Variants in GALNTL6 observed in about 807,000 individuals in gnomAD.
The protein encoded by GALNTL6 is polypeptide N-acetylgalactosaminyltransferase like 6.
In GALNTL6, 46 loss-of-function variants were observed where a neutral mutation model predicts 73.7. That is an observed-to-expected ratio of 0.62 (90% CI 0.49 to 0.80). GALNTL6 has a LOEUF of 0.80. Ranked by LOEUF, GALNTL6 falls within the 30% of genes least tolerant of loss-of-function variation. The pLI is 0.00. For synonymous variants in GALNTL6, 259 were observed against 263.7 expected (o/e 0.98, Z 0.17); for missense variants, 604 against 755.0 (o/e 0.80, Z 2.34).
chr4:171,841,001 G>A (rs185932792), intron 2 of GALNTL6, among the ~76,000 whole-genome samples: 4 of 152,220 alleles, frequency 2.6e-5, no homozygotes, highest in African/African-American at 9.6e-5. Flanking sequence ...ATGTTTCAGT[G>A]GAAAATGCTT....
chr4:172,207,583 G>T (rs1241796036), intron 2 of GALNTL6, among the ~76,000 whole-genome samples: 1 of 152,032 alleles, frequency 6.6e-6, no homozygotes, highest in Non-Finnish European at 1.5e-5. Flanking sequence ...GCCAATACAC[G>T]AGCCAATACA....
chr4:172,629,505 A>G (rs1739303447), intron 5 of GALNTL6, among the ~76,000 whole-genome samples: 1 of 152,158 alleles, frequency 6.6e-6, no homozygotes, highest in Non-Finnish European at 1.5e-5. Flanking sequence ...TTTACCCTCT[A>G]TGTGACAAGC....
At chr4:172,961,395 A>G (rs1246718583) in intron 10 of GALNTL6, among the ~76,000 whole-genome samples, 1 of 151,914 alleles carries the variant, frequency 6.6e-6, no homozygotes, top group Non-Finnish European at 1.5e-5. Flanking sequence ...GTGTAGAGAC[A>G]TGGAGATAAG....
At position 172,021,640 on chromosome 4, in the gene GALNTL6, C is replaced by G. The variant is rs544928183; in HGVS notation, c.138+206922C>G. On this transcript the variant is annotated intron_variant, in intron 2 of 12. Coordinates refer to ENST00000506823, the MANE Select transcript of GALNTL6 (RefSeq NM_001034845.3). ...AAAGACTCAGAATAGCCAAAGCTAT[C>G]CTAAGCAAAATGTACAAACCTGGAG... 1.1e-4 allele frequency among the ~76,000 whole-genome samples: 17 copies of G among 152,090 alleles called. No homozygotes were observed. In the South Asian group the frequency reaches 3.5e-3, roughly 32 times the overall value.
chr4:172,663,258 AC>A (rs1731475892), intron 5 of GALNTL6, among the ~76,000 whole-genome samples: 1 of 152,204 alleles, frequency 6.6e-6, no homozygotes, highest in Non-Finnish European at 1.5e-5. Flanking sequence ...TAAGCTTGTA[AC>A]AAGAAGAGAG....
intron 3 of GALNTL6, among the ~76,000 whole-genome samples, chr4:172,290,127 C>G (rs1458230650): frequency 1.3e-5 from 2 of 152,086 alleles, no homozygotes; most frequent in Non-Finnish European, 1.5e-5. Flanking sequence ...GGGACTTTCT[C>G]TTTCATCTCT....
intron 2 of GALNTL6, among the ~76,000 whole-genome samples, chr4:172,106,299 A>G (rs1475286657): frequency 6.6e-6 from 1 of 152,166 alleles, no homozygotes; most frequent in Non-Finnish European, 1.5e-5. Flanking sequence ...TCAGGTTTCC[A>G]GGGGAGAAGC....
chr4:172,262,621 T>G (rs1738296072), intron 3 of GALNTL6, among the ~76,000 whole-genome samples: 1 of 151,618 alleles, frequency 6.6e-6, no homozygotes, highest in South Asian at 2.1e-4. Context: ...CCATTTACCT[T>G]CAGTGTTAGT....
At chr4:171,902,009 ATTGTATTGCTATATAACATT>A (rs1352852580) in intron 2 of GALNTL6, among the ~76,000 whole-genome samples, 1 of 152,184 alleles carries the variant, frequency 6.6e-6, no homozygotes, top group Admixed American at 6.5e-5. Flanking sequence ...AGTCTTTAAG[ATTGTATTGCTATATAACATT>A]TAGAGAGATA....
chr4:171,997,457 T>C (rs917613183), intron 2 of GALNTL6, among the ~76,000 whole-genome samples: 1 of 152,044 alleles, frequency 6.6e-6, no homozygotes, highest in Admixed American at 6.6e-5. Flanking sequence ...CCCAACCTGT[T>C]GAGCATCATA....
At chr4:172,667,043 G>C (rs1731704086) in intron 5 of GALNTL6, 1 of 152,222 alleles carries the variant, frequency 6.6e-6, no homozygotes, top group African/African-American at 2.4e-5. Flanking sequence ...CTACGAGAAT[G>C]ATAAGTCCAC....
At chr4:172,758,107 T>C (rs1410526796) in intron 5 of GALNTL6, among the ~76,000 whole-genome samples, 7 of 152,236 alleles carry the variant, frequency 4.6e-5, no homozygotes, top group Admixed American at 2.6e-4. Flanking sequence ...TAGTCCATCT[T>C]TATGTGCACA....
intron 7 of GALNTL6, among the ~76,000 whole-genome samples, chr4:172,820,679 T>C (rs1311984043): frequency 6.6e-6 from 1 of 152,228 alleles, no homozygotes; most frequent in Non-Finnish European, 1.5e-5. Flanking sequence ...ATCCATTTGG[T>C]AGAGTGGGAG....
At chr4:172,705,041 T>C (rs148321736) in intron 5 of GALNTL6, among the ~76,000 whole-genome samples, 85 of 152,002 alleles carry the variant, frequency 5.6e-4, no homozygotes, top group African/African-American at 2.0e-3. Context: ...ATAAAATATA[T>C]TCTTCTATTT....
intron 3 of GALNTL6, among the ~76,000 whole-genome samples, chr4:172,235,300 C>A (rs28694526): frequency 5.3e-5 from 8 of 151,104 alleles, no homozygotes; most frequent in African/African-American, 2.0e-4. Flanking sequence ...CTTCACCTGC[C>A]GGGTTCAGGC....
chr4:172,863,658 T>C (rs1003095378), intron 7 of GALNTL6, among the ~76,000 whole-genome samples: 13 of 152,188 alleles, frequency 8.5e-5, no homozygotes, highest in Admixed American at 7.8e-4. Context: ...CAGAAGAGAT[T>C]TGCCTTGTCT....
At chr4:172,440,639 G>A (rs10032424) in intron 5 of GALNTL6, among the ~76,000 whole-genome samples, 3,333 of 152,202 alleles carry the variant, frequency 0.022, 109 homozygotes, top group African/African-American at 0.075. Flanking sequence ...ATGTGTCAAC[G>A]TAGATTCATC....
chr4:172,891,275 T>C (rs994299949), intron 8 of GALNTL6, among the ~76,000 whole-genome samples: 1 of 152,176 alleles, frequency 6.6e-6, no homozygotes, highest in African/African-American at 2.4e-5. Flanking sequence ...ACTACATACT[T>C]GCATATGTTT....
At chr4:171,842,384 A>G (rs1735259754) in intron 2 of GALNTL6, among the ~76,000 whole-genome samples, 1 of 152,194 alleles carries the variant, frequency 6.6e-6, no homozygotes, top group African/African-American at 2.4e-5. Flanking sequence ...CCCTCAAAGT[A>G]GACACAAAAA....
Sources: gnomAD v4.1 joint callset for allele counts (sites outside exome capture counted in the v4.1 genomes callset) on GRCh38, gnomAD v4.1.1 for gene constraint, MANE v1.5 for transcripts, NCBI Gene and HGNC (gene_info 2026-07-23, HGNC 2026-07-21) for gene names.